The following PHEX variants were observed in gnomAD, a reference collection of about 807,000 sequenced individuals.
PHEX encodes phosphate-regulating neutral endopeptidase PHEX.
PHEX carries 16 observed loss-of-function variants against 68.0 expected under a neutral mutation model. The ratio of observed to expected loss-of-function variants is 0.24; its 90% CI spans 0.16 to 0.36. PHEX has a LOEUF of 0.36. PHEX is among the 10% of genes least tolerant of loss of function. PHEX has a pLI of 1.00. For missense variants in PHEX, 480 were observed against 575.5 expected, an observed-to-expected ratio of 0.83 and a Z score of 1.70; for synonymous variants, 208 against 205.1, an observed-to-expected ratio of 1.01 and a Z score of -0.12.
At chrX:22,221,909 T>C (rs1935282572) in intron 18 of PHEX, among the ~76,000 whole-genome samples, 166 bp downstream of exon 18, 1 of 112,003 alleles carries the variant, frequency 8.9e-6, no homozygotes, top group Non-Finnish European at 1.9e-5. Context: ...TGAATCAGAA[T>C]CTTTGGGGTT....
intron 11 of PHEX, among the ~76,000 whole-genome samples, chrX:22,118,595 TCTC>T (rs1299722789): frequency 9.1e-6 from 1 of 110,480 alleles, no homozygotes; most frequent in African/African-American, 3.3e-5. Context: ...CCGCCCCACT[TCTC>T]CTCCGTGTCT....
intron 20 of PHEX, among the ~76,000 whole-genome samples, chrX:22,238,845 G>T (rs1936079171): frequency 8.9e-6 from 1 of 111,954 alleles, no homozygotes; most frequent in Non-Finnish European, 1.9e-5. Flanking sequence ...AAACGTCCCT[G>T]CCTGACAGCC....
intron 11 of PHEX, among the ~76,000 whole-genome samples, chrX:22,121,779 C>A (rs747324868): frequency 8.9e-6 from 1 of 112,010 alleles, no homozygotes; most frequent in South Asian, 3.7e-4. Context: ...TTGTTCATGT[C>A]CCCAAGTAAT....
chrX:22,235,195 G>C (rs940840300), intron 20 of PHEX, among the ~76,000 whole-genome samples: 1 of 111,678 alleles, frequency 9.0e-6, no homozygotes, highest in African/African-American at 3.3e-5. Context: ...AGATGAACTG[G>C]GTACCTCAGT....
intron 9 of PHEX, among the ~76,000 whole-genome samples, chrX:22,101,761 G>A (rs950629182): frequency 1.9e-4 from 21 of 111,448 alleles, no homozygotes; most frequent in African/African-American, 6.9e-4. Context: ...GACTCATCTA[G>A]CTGTAGGGGA....
At chrX:22,112,427 G>C (rs779526606) in intron 10 of PHEX, among the ~76,000 whole-genome samples, 3 of 111,949 alleles carry the variant, frequency 2.7e-5, no homozygotes, top group Non-Finnish European at 5.6e-5. Flanking sequence ...CTTTGAAACA[G>C]TTTTTATTTT....
At chrX:22,238,289 C>A (rs945048485) in intron 20 of PHEX, among the ~76,000 whole-genome samples, 1 of 111,807 alleles carries the variant, frequency 8.9e-6, no homozygotes, top group Non-Finnish European at 1.9e-5. Flanking sequence ...GGAGGGTGAG[C>A]CAAAGCAGGG....
intron 14 of PHEX, among the ~76,000 whole-genome samples, chrX:22,179,663 T>C: frequency 8.9e-6 from 1 of 112,273 alleles, no homozygotes. Flanking sequence ...TTCATTCCTT[T>C]TTATGGCTGA....
intron 3 of PHEX, among the ~76,000 whole-genome samples, chrX:22,063,694 T>C (rs995877791): frequency 4.4e-5 from 5 of 112,612 alleles, no homozygotes; most frequent in African/African-American, 1.3e-4. Context: ...TGAAACCCAA[T>C]ACTGAAGAAT....
intron 11 of PHEX, 43 bp downstream of exon 11, chrX:22,114,629 GC>G: frequency 8.8e-7 from 1 of 1,139,067 alleles, no homozygotes; most frequent in South Asian, 1.8e-5. Flanking sequence ...TGGCAATTTA[GC>G]CAGATCTGAC....
chrX:22,232,870 T>C (rs1224134454), intron 20 of PHEX, among the ~76,000 whole-genome samples: 2 of 110,131 alleles, frequency 1.8e-5, no homozygotes, highest in Non-Finnish European at 3.8e-5. Flanking sequence ...ACCCATTAGT[T>C]GATGCAGTTT....
intron 14 of PHEX, among the ~76,000 whole-genome samples, chrX:22,181,727 T>C (rs1005337015): frequency 8.9e-6 from 1 of 111,943 alleles, no homozygotes; most frequent in African/African-American, 3.2e-5. Flanking sequence ...AGTATCTACT[T>C]TTTTGTGTCC....
chrX:22,120,724 T>C (rs1158806507), intron 11 of PHEX, among the ~76,000 whole-genome samples: 1 of 111,995 alleles, frequency 8.9e-6, no homozygotes, highest in Non-Finnish European at 1.9e-5. Flanking sequence ...ATTTTGTACA[T>C]ACGTCATTCT....
At chrX:22,104,017 A>G (rs1054161785) in intron 9 of PHEX, among the ~76,000 whole-genome samples, 1 of 111,901 alleles carries the variant, frequency 8.9e-6, no homozygotes, top group African/African-American at 3.3e-5. Flanking sequence ...GTGAGGTGGT[A>G]TCTCATTGTG....
intron 13 of PHEX, among the ~76,000 whole-genome samples, chrX:22,174,994 G>A (rs966895891): frequency 9.0e-6 from 1 of 111,305 alleles, no homozygotes. Context: ...GCCAAATTCC[G>A]TAATCTCCTT....
At chrX:22,150,726 C>T (rs1349059009) in intron 12 of PHEX, among the ~76,000 whole-genome samples, 3 of 112,209 alleles carry the variant, frequency 2.7e-5, no homozygotes, top group Non-Finnish European at 3.8e-5. Flanking sequence ...TTTTGTTGGG[C>T]TGAATCTTAG....
intron 15 of PHEX, among the ~76,000 whole-genome samples, chrX:22,205,588 T>C (rs149269633): frequency 0.055 from 6,091 of 110,547 alleles, 130 homozygotes; most frequent in African/African-American, 0.076. Context: ...GTCTGGTTCA[T>C]AGTTGTCTAA....
At chrX:22,057,486 G>A (rs1928164963) in intron 3 of PHEX, among the ~76,000 whole-genome samples, 1 of 110,814 alleles carries the variant, frequency 9.0e-6, no homozygotes, top group Non-Finnish European at 1.9e-5. Context: ...CAGCTACTCA[G>A]GAGCTGAGGT....
At chrX:22,065,968 A>G (rs1784271493) in intron 3 of PHEX, among the ~76,000 whole-genome samples, 1 of 111,980 alleles carries the variant, frequency 8.9e-6, no homozygotes, top group African/African-American at 3.2e-5. Context: ...CCCGGCGGAA[A>G]GAGTTGCAAG....
Sources: allele counts gnomAD v4.1 joint callset (sites outside exome capture counted in the v4.1 genomes callset), GRCh38; gene constraint gnomAD v4.1.1; transcripts MANE v1.5; gene names NCBI Gene and HGNC (gene_info 2026-07-23, HGNC 2026-07-21).